The following THADA variants were observed in gnomAD, a reference collection of about 807,000 sequenced individuals.
THADA encodes tRNA (32-2'-O)-methyltransferase regulator THADA.
A neutral mutation model predicts 219.8 loss-of-function variants in THADA; 213 were observed. That is an observed-to-expected ratio of 0.97 (90% CI 0.87 to 1.09). THADA has a LOEUF of 1.09. Ranked by LOEUF, THADA falls within the 50% of genes least tolerant of loss-of-function variation. The pLI, the probability that THADA is intolerant of heterozygous loss-of-function variation, is 0.00. For synonymous variants in THADA, 1,018 were observed against 828.9 expected, an observed-to-expected ratio of 1.23 and a Z score of -3.92; for missense variants, 2,956 against 2,311.3, an observed-to-expected ratio of 1.28 and a Z score of -5.72.
At chr2:43,584,835 C>A (rs1386709838) in intron 7 of THADA, among the ~76,000 whole-genome samples, 1 of 152,044 alleles carries the variant, frequency 6.6e-6, no homozygotes, top group African/African-American at 2.4e-5. Context: ...TGAATACCTC[C>A]GAGCCAGCAG....
chr2:43,530,827 G>A (rs879542673), intron 21 of THADA, among the ~76,000 whole-genome samples: 11 of 152,138 alleles, frequency 7.2e-5, no homozygotes, highest in Non-Finnish European at 1.0e-4. Flanking sequence ...TGACCAGTGG[G>A]TGGTCTTCTC....
chr2:43,592,909 AT>A (rs1462686867), intron 1 of THADA: 1 of 152,240 alleles, frequency 6.6e-6, no homozygotes, highest in African/African-American at 2.4e-5. Context: ...ATGAAAAAAA[AT>A]ATTTTTTTAA....
chr2:43,385,954 C>T (rs1216548436), intron 29 of THADA, among the ~76,000 whole-genome samples: 1 of 151,550 alleles, frequency 6.6e-6, no homozygotes, highest in Admixed American at 6.6e-5. Flanking sequence ...AAATGTCCCC[C>T]TCACCAGAAA....
chr2:43,564,282 C>T (rs544231469), intron 15 of THADA: 1 of 152,208 alleles, frequency 6.6e-6, no homozygotes, highest in Non-Finnish European at 1.5e-5. Context: ...ACCACAGAAA[C>T]CTATTCTCTC....
intron 23 of THADA, among the ~76,000 whole-genome samples, chr2:43,507,748 T>C (rs911061847): frequency 3.3e-5 from 5 of 152,352 alleles, no homozygotes; most frequent in African/African-American, 1.2e-4. Flanking sequence ...AATCTTACTA[T>C]ATATTAACCA....
chr2:43,442,951 C>A (rs1183302004), intron 26 of THADA, among the ~76,000 whole-genome samples: 5 of 152,230 alleles, frequency 3.3e-5, no homozygotes, highest in African/African-American at 1.2e-4. Flanking sequence ...AATCTTTCAA[C>A]TTTGGGCTTA....
chr2:43,403,373 A>G lies in THADA; in HGVS notation c.4059-5234T>C, dbSNP rs552959176. Among the ~76,000 whole-genome samples the G allele has an allele frequency of 3.5e-4, 54 of 152,350 alleles. 1 individual carries two copies. The South Asian group carries it at 0.011, about 30-fold the overall frequency. ...TGATAATAGCTAACATCTCCTGAAC[A>G]CTTATTAAAGACCAGGCTCTATATG... On this transcript the variant is annotated intron_variant, in intron 28 of 37. Transcript: ENST00000405975.
intron 30 of THADA, among the ~76,000 whole-genome samples, chr2:43,339,902 T>A (rs1666886685): frequency 6.6e-6 from 1 of 152,008 alleles, no homozygotes; most frequent in African/African-American, 2.4e-5. Context: ...AAGTCCAGCA[T>A]AGGCAACACA....
intron 36 of THADA, among the ~76,000 whole-genome samples, chr2:43,259,204 T>C (rs1227699472): frequency 1.3e-5 from 2 of 152,186 alleles, no homozygotes; most frequent in Non-Finnish European, 2.9e-5. Context: ...GGACCCAAAG[T>C]GATACTGATA....
At chr2:43,587,025 A>G (rs1444696453) in intron 4 of THADA, 23 bp from the exon 5 acceptor site, 1 of 1,602,928 alleles carries the variant, frequency 6.2e-7, no homozygotes, top group East Asian at 2.2e-5. Context: ...ACAAATATTA[A>G]AAATCTGACA....
chr2:43,430,594 C>A, intron 26 of THADA: 1 of 473,350 alleles, frequency 2.1e-6, no homozygotes. Flanking sequence ...TGTGCCAATG[C>A]CAAGTTTCCA....
At chr2:43,532,835 C>G (rs1694061212) in intron 21 of THADA, among the ~76,000 whole-genome samples, 2 of 152,108 alleles carry the variant, frequency 1.3e-5, no homozygotes, top group African/African-American at 4.8e-5. Flanking sequence ...TAGGCATGGG[C>G]AAAGACTTCT....
intron 15 of THADA, chr2:43,562,466 A>C (rs1000849152): frequency 2.0e-5 from 3 of 152,114 alleles, no homozygotes; most frequent in Non-Finnish European, 4.4e-5. Context: ...GTCTGGTCTT[A>C]AACTCCTGAT....
intron 4 of THADA, among the ~76,000 whole-genome samples, chr2:43,587,337 A>G (rs979184873): frequency 4.6e-5 from 7 of 152,224 alleles, no homozygotes; most frequent in African/African-American, 9.6e-5. Flanking sequence ...GTGACCTACA[A>G]GGTCCTCCCG....
At chr2:43,380,204 A>G (rs968298961) in intron 29 of THADA, among the ~76,000 whole-genome samples, 3 of 152,250 alleles carry the variant, frequency 2.0e-5, no homozygotes, top group Non-Finnish European at 4.4e-5. Context: ...AGATCAGGAC[A>G]AAAGAACCCA....
intron 22 of THADA, among the ~76,000 whole-genome samples, chr2:43,511,661 C>CGACACAAACACACACAT (rs1690469362): frequency 6.6e-6 from 1 of 152,054 alleles, no homozygotes; most frequent in Non-Finnish European, 1.5e-5. Flanking sequence ...AACACACACA[C>CGACACAAACACACACAT]CTCATATTCC....
chr2:43,340,819 CAG>C (rs539532882), intron 30 of THADA, among the ~76,000 whole-genome samples: 3 of 152,204 alleles, frequency 2.0e-5, no homozygotes, highest in Non-Finnish European at 2.9e-5. Context: ...AAAGTAAAGA[CAG>C]GGGTCTGTTC....
At chr2:43,388,026 G>A (rs1210553991) in intron 29 of THADA, among the ~76,000 whole-genome samples, 2 of 152,202 alleles carry the variant, frequency 1.3e-5, no homozygotes, top group Non-Finnish European at 2.9e-5. Flanking sequence ...TGTGTCCTTA[G>A]TAACTCAAAT....
intron 28 of THADA, among the ~76,000 whole-genome samples, chr2:43,413,102 C>A (rs1676495520): frequency 6.6e-6 from 1 of 152,092 alleles, no homozygotes; most frequent in African/African-American, 2.4e-5. Flanking sequence ...GGGTTATTTT[C>A]TTTATTTCCC....
Sources: gnomAD v4.1 joint callset for allele counts (sites outside exome capture counted in the v4.1 genomes callset) on GRCh38, gnomAD v4.1.1 for gene constraint, MANE v1.5 for transcripts, NCBI Gene and HGNC (gene_info 2026-07-23, HGNC 2026-07-21) for gene names.